ABCA3: variants seen among roughly 807,000 people sequenced by gnomAD.
ABCA3 encodes phospholipid-transporting ATPase ABCA3.
Under a neutral mutation model 172.8 loss-of-function variants are expected in ABCA3, and 88 were observed. The observed-to-expected ratio is 0.51, with a 90% CI of 0.43 to 0.61. The LOEUF (loss-of-function observed/expected upper bound fraction) is 0.61, where lower values mean the gene tolerates loss of function less well. Ranked by LOEUF, ABCA3 falls within the 20% of genes least tolerant of loss-of-function variation. ABCA3 has a pLI of 0.00. For missense variants in ABCA3, 2,164 were observed against 2,301.0 expected (o/e 0.94, Z 1.22); for synonymous variants, 1,066 against 983.8 (o/e 1.08, Z -1.56).
chr16:2,322,204 A>G (rs2093727180), intron 7 of ABCA3, among the ~76,000 whole-genome samples: 1 of 151,896 alleles, frequency 6.6e-6, no homozygotes, highest in South Asian at 2.1e-4. Flanking sequence ...CTGAAAAAAA[A>G]AAAAAAGAAA....
rs377610469 is a variant in ABCA3, at chr16:2,285,825, C to T, written c.3279-179G>A. 2.0e-5 allele frequency among the ~76,000 whole-genome samples: 3 copies of T among 152,174 alleles called. No individual in the cohort carries two copies. Among genetic ancestry groups the T allele is most frequent in the Non-Finnish European group, 2.9e-5 (2 of 68,032 alleles). The stretch of plus-strand genomic sequence containing the variant: ...GGGAACATCTGCCCCCACCGGAGAA[C>T]GGTTCCTCTGGAATTCCTATGCTGA... On this transcript the variant is annotated intron_variant, in intron 22 of 32. Coordinates refer to ENST00000301732, the MANE Select transcript of ABCA3 (RefSeq NM_001089.3). The surrounding 1 kb of genome is among the most constrained non-coding windows in gnomAD (Gnocchi z 4.7).
intron 10 of ABCA3, among the ~76,000 whole-genome samples, chr16:2,312,407 TTA>T (rs2093707981): frequency 6.6e-6 from 1 of 152,236 alleles, no homozygotes; most frequent in African/African-American, 2.4e-5. Flanking sequence ...TACAAGTACT[TTA>T]TGTGTACATC....
chr16:2,307,490 G>A (rs1237007018), intron 11 of ABCA3, among the ~76,000 whole-genome samples: 1 of 151,980 alleles, frequency 6.6e-6, no homozygotes, highest in Non-Finnish European at 1.5e-5. Context: ...AGAGGCAGAG[G>A]TTGAGATGAG....
chr16:2,288,190 G>A lies in ABCA3; in HGVS notation c.2840C>T (p.Ser947Phe). 1.2e-6 allele frequency: 2 copies of A among 1,604,696 alleles called. No homozygotes were observed. The highest frequency in any genetic ancestry group is 1.3e-5 in the African/African-American group (1 of 74,902). ...CATGGGGTCGTCGAAGAGCTCCGAGGAGTAGTTGATGGCCAGGAGGGCCAG... is the reference window on the plus strand; with the variant it reads ...CATGGGGTCGTCGAAGAGCTCCGAGAAGTAGTTGATGGCCAGGAGGGCCAG... ...VTLALLAINY[S>F]SELFDDPMLR... Residue 947 changes from serine to phenylalanine, a missense_variant, in exon 21 of 33, where the codon TCC (serine) becomes TTC (phenylalanine). Ser to Phe is a radical substitution (Grantham distance 155). This residue lies in a region of ABCA3 where 1,343 missense variants were observed against 1,369.6 expected (regional missense o/e 0.98). Transcript: ENST00000301732.
chr16:2,307,201 A>G (rs1407880953), intron 11 of ABCA3, among the ~76,000 whole-genome samples: 5 of 152,088 alleles, frequency 3.3e-5, no homozygotes, highest in Non-Finnish European at 7.4e-5. Flanking sequence ...ACCAATCAAT[A>G]CAGGAGGCAC....
chr16:2,302,761 A>AG (rs538081807), intron 12 of ABCA3, among the ~76,000 whole-genome samples: 3 of 151,460 alleles, frequency 2.0e-5, no homozygotes, highest in Non-Finnish European at 4.4e-5. Flanking sequence ...CTGGGATTAC[A>AG]GGGATGAGCG....
rs1337209834 is a variant in ABCA3 at position 2,283,492 on chromosome 16, G to C, written c.3863-134C>G. 2 of 1,029,800 alleles carry C rather than the reference G, an allele frequency of 1.9e-6. No homozygotes were observed. Among genetic ancestry groups the C allele is most frequent in the Non-Finnish European group, 2.8e-6 (2 of 714,874 alleles). The allele number at this position is 1,029,800 out of a possible 1,614,324, so 63.8% of individuals were successfully genotyped here. A position where few individuals can be genotyped will look rare whatever the true frequency, so the allele number is the denominator to read the frequency against. On this transcript the variant is annotated intron_variant, in intron 25 of 32. Transcript: ENST00000301732. This position sits in a 1 kb window ranked among gnomAD's most constrained non-coding sequence, Gnocchi z 5.4. ...TGTCCCCTCCATGGGGAGATGTGAA[G>C]GCCAGTAGGTCACAGCTGCCTCTCG... is the stretch of plus-strand genomic sequence containing the variant.
intron 15 of ABCA3, 25 bp downstream of exon 15, chr16:2,298,361 T>TG: frequency 1.2e-6 from 2 of 1,613,794 alleles, no homozygotes; most frequent in Non-Finnish European, 1.7e-6. Context: ...GAAACACCCC[T>TG]GCACACCCCT....
At chr16:2,333,186 A>G (rs987826052) in intron 1 of ABCA3, among the ~76,000 whole-genome samples, 4 of 152,030 alleles carry the variant, frequency 2.6e-5, no homozygotes, top group African/African-American at 9.7e-5. Context: ...GGGTCTTGAG[A>G]CCCATGAACA....
intron 26 of ABCA3, among the ~76,000 whole-genome samples, chr16:2,282,916 T>C (rs1038235079): frequency 6.6e-6 from 1 of 152,158 alleles, no homozygotes; most frequent in Admixed American, 6.5e-5. Flanking sequence ...TGGGTGTCCC[T>C]GGGCACCACC....
At chr16:2,322,855 G>C (rs2141736508) in intron 7 of ABCA3, among the ~76,000 whole-genome samples, 2 of 152,190 alleles carry the variant, frequency 1.3e-5, no homozygotes, top group Admixed American at 6.5e-5. Flanking sequence ...ACTACCATCA[G>C]AGTGAACAGG....
intron 1 of ABCA3, among the ~76,000 whole-genome samples, chr16:2,331,329 C>G (rs963080288): frequency 6.6e-6 from 1 of 152,102 alleles, no homozygotes; most frequent in Non-Finnish European, 1.5e-5. Flanking sequence ...CTCAGCCTCC[C>G]AAGTAGCTAC....
chr16:2,314,637 C>G (rs889560180), intron 10 of ABCA3, among the ~76,000 whole-genome samples: 1 of 151,980 alleles, frequency 6.6e-6, no homozygotes, highest in Non-Finnish European at 1.5e-5. Context: ...AGTGCAGTGG[C>G]ATGATCACGG....
At chr16:2,301,444 C>G (rs955650619) in intron 12 of ABCA3, among the ~76,000 whole-genome samples, 2 of 151,872 alleles carry the variant, frequency 1.3e-5, no homozygotes, top group Non-Finnish European at 2.9e-5. Context: ...TGGTGGCTCA[C>G]GCCTGTCATC....
chr16:2,281,250 T>G lies in ABCA3; in HGVS notation c.4165-29A>C, dbSNP rs773336518. ...CAGGCACCCAACAGAAAACACGGAA[T>G]GCGGAGGCCTGGACGCAAAGCAGAG... is the stretch of plus-strand genomic sequence containing the variant. On this transcript the variant is annotated intron_variant, in intron 27 of 32. Coordinates refer to ENST00000301732, the MANE Select transcript of ABCA3 (RefSeq NM_001089.3). This position sits in a 1 kb window ranked among gnomAD's most constrained non-coding sequence, Gnocchi z 4.7. 12 of 1,613,174 alleles carry G rather than the reference T, an allele frequency of 7.4e-6. No homozygotes were observed. In the South Asian group the frequency reaches 1.2e-4, roughly 16 times the overall value.
At chr16:2,333,974 G>A (rs1219882715) in intron 1 of ABCA3, among the ~76,000 whole-genome samples, 1 of 152,190 alleles carries the variant, frequency 6.6e-6, no homozygotes, top group Non-Finnish European at 1.5e-5. Flanking sequence ...TTACAGGCAT[G>A]AGCCACCACG....
chr16:2,283,426 C>T lies in ABCA3; in HGVS notation c.3863-68G>A. 6.4e-7 allele frequency: 1 copy of T among 1,561,258 alleles called. No individual in the cohort carries two copies. The highest frequency in any genetic ancestry group is 2.3e-5 in the East Asian group (1 of 44,262). ...CCTCCTCCCCTTCCAGGTTCCCGGC[C>T]CCCACTCCCCTCCCCAGGCTGCTCA... On this transcript the variant is annotated intron_variant, in intron 25 of 32. Coordinates refer to ENST00000301732, the MANE Select transcript of ABCA3 (RefSeq NM_001089.3). The surrounding 1 kb of genome is among the most constrained non-coding windows in gnomAD (Gnocchi z 5.4).
Position 2,277,598 on chromosome 16 carries a change from T to C in ABCA3, c.4982A>G (p.Lys1661Arg). 6.2e-7 allele frequency: 1 copy of C among 1,613,046 alleles called. No homozygotes were observed. The highest frequency in any genetic ancestry group is 8.5e-7 in the Non-Finnish European group (1 of 1,179,986). The change falls in exon 32 of 33, where the codon AAG becomes AGG. Residue 1661 changes from lysine to arginine, a missense_variant and splice_region_variant. Lys to Arg is a conservative substitution (Grantham distance 26). Around this residue, in one of 3 missense-constraint regions of ABCA3, gnomAD observed 795 missense variants for 881.9 expected, o/e 0.90. Transcript: ENST00000301732. The surrounding 1 kb of genome is among the most constrained non-coding windows in gnomAD (Gnocchi z 5.3). ...HLPGRDLSWA[K>R]VFGILEKAKE... is the part of the protein sequence containing the mutation. ...GTGGGGCCCCAGGGACTGCCTCACCTTCGCCCAGCTGAGGTCACGGCCCGG... is the reference window on the plus strand; with the variant it reads ...GTGGGGCCCCAGGGACTGCCTCACCCTCGCCCAGCTGAGGTCACGGCCCGG...
Position 2,308,571 on chromosome 16 carries a change from G to A in ABCA3, c.1164C>T (p.Pro388=). 1.2e-6 allele frequency: 2 copies of A among 1,614,222 alleles called. No homozygotes were observed. The highest frequency in any genetic ancestry group is 1.3e-5 in the African/African-American group (1 of 75,056). The part of the protein sequence containing the change: ...GGFLYFFTYI[P]YFFVAPRYNW... ...TGTACCGAGGGGCCACGAAGAAGTA[G>A]GGGATGTAGGTGAAGAAGTAGAGGA... Residue 388 remains proline (P), a synonymous_variant, in exon 11 of 33, where the codon CCC becomes CCT. Coordinates refer to ENST00000301732, the MANE Select transcript of ABCA3 (RefSeq NM_001089.3).
Sources: gnomAD v4.1 joint callset for allele counts (sites outside exome capture counted in the v4.1 genomes callset) on GRCh38, gnomAD v4.1.1 for gene constraint, gnomAD v4.1.1 regional missense constraint, Gnocchi (gnomAD v3.1) non-coding constraint, MANE v1.5 for transcripts, NCBI Gene and HGNC (gene_info 2026-07-23, HGNC 2026-07-21) for gene names.